POLA1: variants seen among roughly 807,000 people sequenced by gnomAD.
POLA1 encodes the protein DNA polymerase alpha 1, catalytic subunit, also known as DNA polymerase alpha catalytic subunit.
In POLA1, 15 loss-of-function variants were observed where a neutral mutation model predicts 124.0. That is an observed-to-expected ratio of 0.12 (90% CI 0.08 to 0.19). The LOEUF (loss-of-function observed/expected upper bound fraction) is 0.19, where lower values mean the gene tolerates loss of function less well. POLA1 is among the 10% of genes least tolerant of loss of function. The pLI is 1.00. For missense variants in POLA1, 886 were observed against 1,103.4 expected (o/e 0.80, Z 2.79); for synonymous variants, 408 against 389.4 (o/e 1.05, Z -0.56).
intron 36 of POLA1, among the ~76,000 whole-genome samples, chrX:24,986,347 A>T (rs1030308776): frequency 9.0e-6 from 1 of 111,260 alleles, no homozygotes; most frequent in Non-Finnish European, 1.9e-5. Context: ...GAAAAGAGGG[A>T]CAGTGGCTAT....
At chrX:24,984,711 G>C (rs1056131532) in intron 36 of POLA1, among the ~76,000 whole-genome samples, 8 of 99,651 alleles carry the variant, frequency 8.0e-5, no homozygotes, top group African/African-American at 3.0e-4. Flanking sequence ...CCAGGCTGGA[G>C]TGCAGTGGCG....
chrX:24,720,363 T>C (rs1047979719), intron 10 of POLA1, among the ~76,000 whole-genome samples: 2 of 112,161 alleles, frequency 1.8e-5, no homozygotes, highest in East Asian at 5.5e-4. Flanking sequence ...TGTAAGCTCC[T>C]GGAGGGCTGG....
Position 24,724,378 on chromosome X carries a change from C to A in POLA1, c.1244C>A (p.Ser415Ter). 8.7e-7 allele frequency: 1 copy of A among 1,145,942 alleles called. No homozygotes were observed. The highest frequency in any genetic ancestry group is 1.2e-6 in the Non-Finnish European group (1 of 841,191). 94.4% of individuals were successfully genotyped at this position (1,145,942 alleles called of 1,213,427 possible). A position where few individuals can be genotyped will look rare whatever the true frequency, so the allele number is the denominator to read the frequency against. The change falls in exon 12 of 37, where the codon TCA (serine) becomes TAA (stop). Residue 415 changes from serine to a stop codon, truncating the protein, a stop_gained. Coordinates refer to ENST00000379068, the MANE Select transcript of POLA1 (RefSeq NM_001330360.2). LOFTEE classifies it high-confidence loss of function. ...NTGKETGTPI[S>*]MKDVYEEFDE... ...GGGAAAGAAACAGGAACTCCAATTTCAATGAAGGATGTTTATGAGGAATTT... is the reference window on the plus strand; with the variant it reads ...GGGAAAGAAACAGGAACTCCAATTTAAATGAAGGATGTTTATGAGGAATTT...
At position 24,735,570 on chromosome X, in the gene POLA1, C is replaced by T; in HGVS notation, c.1923+82C>T. The T allele has an allele frequency of 7.1e-6, 4 of 565,558 alleles. No individual in the cohort carries two copies. In the South Asian group the frequency reaches 1.1e-4, roughly 16 times the overall value. The allele number at this position is 565,558 out of a possible 1,213,427, so 46.6% of individuals were successfully genotyped here. A position where few individuals can be genotyped will look rare whatever the true frequency, so the allele number is the denominator to read the frequency against. On this transcript the variant is annotated intron_variant, in intron 18 of 36. Coordinates refer to ENST00000379068, the MANE Select transcript of POLA1 (RefSeq NM_001330360.2). ...GTGTGACTTTATTGGTGCTTTTGAG[C>T]AGCAAATAATCTTTTCAGAGTAAAA...
intron 6 of POLA1, among the ~76,000 whole-genome samples, chrX:24,716,033 T>C (rs1216225487): frequency 9.0e-6 from 1 of 111,620 alleles, no homozygotes; most frequent in East Asian, 2.8e-4. Flanking sequence ...AAAGTGACCA[T>C]TGATTAAAAT....
intron 26 of POLA1, among the ~76,000 whole-genome samples, chrX:24,776,012 A>G (rs1439442086): frequency 8.9e-6 from 1 of 111,832 alleles, no homozygotes; most frequent in Admixed American, 9.5e-5. Flanking sequence ...TGTAACTGCT[A>G]TAGAACACCA....
At chrX:24,818,196 G>A (rs2046025934) in intron 30 of POLA1, among the ~76,000 whole-genome samples, 1 of 109,283 alleles carries the variant, frequency 9.2e-6, no homozygotes, top group Non-Finnish European at 1.9e-5. Flanking sequence ...CCACCAGGAA[G>A]CATTTTTTTT....
At chrX:24,958,149 G>A (rs751197876) in intron 36 of POLA1, among the ~76,000 whole-genome samples, 25 of 111,686 alleles carry the variant, frequency 2.2e-4, no homozygotes, top group African/African-American at 8.1e-4. Context: ...TGGAGGAGGC[G>A]AGACTTGAGG....
intron 26 of POLA1, among the ~76,000 whole-genome samples, chrX:24,771,508 G>C (rs1466964275): frequency 2.7e-5 from 3 of 111,344 alleles, no homozygotes; most frequent in African/African-American, 9.8e-5. Context: ...TTGTAATCTG[G>C]GATGCAAGTT....
rs769794501 is a variant in POLA1, at chrX:24,797,882, T to TA, written c.2965-12000dup. 4.6e-3 allele frequency among the ~76,000 whole-genome samples: 445 copies of TA among 96,664 alleles called. 4 individuals are homozygous for TA. The highest frequency in any genetic ancestry group is 9.2e-3 in the African/African-American group (245 of 26,641). The allele number at this position is 96,664 out of a possible 115,157, so 83.9% of individuals were successfully genotyped here. ...AGGCAACATAGTGAGACCCTGTCTTTAAAAAAAAAAAAAAAATTAGCCAGG... is the reference window on the plus strand; with the variant it reads ...AGGCAACATAGTGAGACCCTGTCTTTAAAAAAAAAAAAAAAAATTAGCCAGG... On this transcript the variant is annotated intron_variant, in intron 26 of 36. Coordinates refer to ENST00000379068, the MANE Select transcript of POLA1 (RefSeq NM_001330360.2).
At chrX:24,780,147 GTTTTCTTT>G (rs1343550884) in intron 26 of POLA1, among the ~76,000 whole-genome samples, 1 of 112,166 alleles carries the variant, frequency 8.9e-6, no homozygotes, top group East Asian at 2.8e-4. Flanking sequence ...TCGGCCTGTA[GTTTTCTTT>G]TTCTTTTCAT....
At chrX:24,901,121 G>T (rs769750805) in intron 35 of POLA1, among the ~76,000 whole-genome samples, 1 of 111,906 alleles carries the variant, frequency 8.9e-6, no homozygotes, top group South Asian at 3.8e-4. Flanking sequence ...CCAGTGTGGG[G>T]AGACAGATAA....
chrX:24,905,288 C>A (rs1037940027), intron 35 of POLA1, among the ~76,000 whole-genome samples: 2 of 108,252 alleles, frequency 1.8e-5, no homozygotes, highest in South Asian at 4.1e-4. Context: ...AATGAAAATA[C>A]CAACAATTTT....
intron 35 of POLA1, among the ~76,000 whole-genome samples, chrX:24,899,457 C>T (rs1410106971): frequency 2.7e-5 from 3 of 111,197 alleles, no homozygotes; most frequent in Non-Finnish European, 5.7e-5. Flanking sequence ...TAAGGTCTTG[C>T]GCAAATGTTA....
At chrX:24,957,640 CTA>C (rs2048121654) in intron 36 of POLA1, among the ~76,000 whole-genome samples, 1 of 111,586 alleles carries the variant, frequency 9.0e-6, no homozygotes, top group Non-Finnish European at 1.9e-5. Context: ...AAAATAGTAT[CTA>C]TGTGTTGTTT....
intron 30 of POLA1, among the ~76,000 whole-genome samples, chrX:24,817,303 T>C (rs1282436399): frequency 1.8e-5 from 2 of 111,468 alleles, no homozygotes; most frequent in Non-Finnish European, 3.8e-5. Flanking sequence ...AAGATGCTGG[T>C]GGTCTATTAA....
chrX:24,696,031 A>G (rs1189226175), intron 1 of POLA1, among the ~76,000 whole-genome samples: 1 of 112,759 alleles, frequency 8.9e-6, no homozygotes, highest in Non-Finnish European at 1.9e-5. Flanking sequence ...TGTGTGGGGT[A>G]TGTGGATGTG....
intron 1 of POLA1, among the ~76,000 whole-genome samples, chrX:24,694,971 G>A (rs1927877058): frequency 8.9e-6 from 1 of 112,185 alleles, no homozygotes; most frequent in Admixed American, 9.4e-5. Context: ...GATGTTGGGT[G>A]TAAGTATGTG....
intron 35 of POLA1, among the ~76,000 whole-genome samples, chrX:24,925,722 T>C (rs1423474694): frequency 8.9e-6 from 1 of 111,808 alleles, no homozygotes; most frequent in Non-Finnish European, 1.9e-5. Flanking sequence ...TACAGGAATA[T>C]TCACAGTAGC....
Sources: gnomAD v4.1 joint callset for allele counts (sites outside exome capture counted in the v4.1 genomes callset) on GRCh38, gnomAD v4.1.1 for gene constraint, MANE v1.5 for transcripts, NCBI Gene and HGNC (gene_info 2026-07-23, HGNC 2026-07-21) for gene names.